LGI1: variants seen among roughly 807,000 people sequenced by gnomAD.
The protein encoded by LGI1 is leucine-rich glioma-inactivated protein 1.
A neutral mutation model predicts 57.7 loss-of-function variants in LGI1; 11 were observed. That is an observed-to-expected ratio of 0.19 (90% confidence interval 0.12 to 0.32). The LOEUF is 0.32. Among genes scored for constraint, LGI1 ranks in the 10% least tolerant of loss-of-function variants. The probability of loss-of-function intolerance (pLI) is 1.00; values close to 1 mark genes in which losing one functional copy is unlikely to be tolerated. For synonymous variants in LGI1, 222 were observed against 241.9 expected, an observed-to-expected ratio of 0.92 and a Z score of 0.76; for missense variants, 422 against 661.9, an observed-to-expected ratio of 0.64 and a Z score of 3.98.
chr10:93,770,865 A>G (rs1165980846), intron 2 of LGI1: 4 of 152,226 alleles, frequency 2.6e-5, no homozygotes, highest in Non-Finnish European at 5.9e-5. Context: ...CGCAATTTTA[A>G]AAGATGAGTA....
chr10:93,760,659 G>A (rs533793533), intron 2 of LGI1, among the ~76,000 whole-genome samples: 2 of 152,318 alleles, frequency 1.3e-5, no homozygotes, highest in African/African-American at 4.8e-5. Context: ...GGCAAGCACA[G>A]ATGCTGGACA....
chr10:93,785,500 C>T (rs541647243), intron 4 of LGI1, among the ~76,000 whole-genome samples: 11 of 152,252 alleles, frequency 7.2e-5, no homozygotes, highest in African/African-American at 2.6e-4. Context: ...AGAGTGATGA[C>T]GTTCAAATTT....
rs117108414 is a variant in LGI1, at chr10:93,792,694, C to T, written c.504-49C>T. On this transcript the variant is annotated intron_variant, in intron 5 of 7. Transcript: ENST00000371418. ...ATTGTTGATGTAGAACTCTTTCCTG[C>T]GTGGGTAGGGCCCTTGTACAGCAAA... The T allele has an allele frequency of 2.3e-4, 355 of 1,576,918 alleles. 1 individual carries two copies. In the East Asian group the frequency reaches 6.2e-3, roughly 28 times the overall value.
rs112416892 is a variant in LGI1, at chr10:93,781,882, A to G, written c.431+4265A>G. Among the ~76,000 whole-genome samples, 950 of 152,320 alleles carry G rather than the reference A, an allele frequency of 6.2e-3. 10 individuals carry two copies. Among genetic ancestry groups the G allele is most frequent in the African/African-American group, 0.022 (914 of 41,564 alleles). On this transcript the variant is annotated intron_variant, in intron 4 of 7. Coordinates refer to ENST00000371418, the MANE Select transcript of LGI1 (RefSeq NM_005097.4). ...TATATATAAATATTTGGAGAAAATTATCATCAATCTATATGTATTGTAGAG... is the reference window on the plus strand; with the variant it reads ...TATATATAAATATTTGGAGAAAATTGTCATCAATCTATATGTATTGTAGAG...
intron 2 of LGI1, among the ~76,000 whole-genome samples, chr10:93,760,406 T>C (rs1271467899): frequency 6.6e-6 from 1 of 152,220 alleles, no homozygotes; most frequent in Non-Finnish European, 1.5e-5. Context: ...TAAATTGTGT[T>C]TCTGGTCCTC....
chr10:93,788,176 G>A (rs2134015528), intron 4 of LGI1: 1 of 152,336 alleles, frequency 6.6e-6, no homozygotes, highest in East Asian at 1.9e-4. Context: ...CATAACATGG[G>A]AGTGACTCTG....
At chr10:93,786,251 G>A (rs370827276) in intron 4 of LGI1, among the ~76,000 whole-genome samples, 1 of 47,196 alleles carries the variant, frequency 2.1e-5, no homozygotes, top group African/African-American at 3.0e-5. Flanking sequence ...CCCCGAGTTC[G>A]GTAATTCCTA....
chr10:93,782,243 C>G lies in LGI1; in HGVS notation c.431+4626C>G, dbSNP rs1190612373. 2.0e-5 allele frequency among the ~76,000 whole-genome samples: 3 copies of G among 152,214 alleles called. No homozygotes were observed. In the South Asian group the frequency reaches 6.2e-4, roughly 32 times the overall value. On this transcript the variant is annotated intron_variant, in intron 4 of 7. Transcript: ENST00000371418. Reference sequence around the variant, plus strand: ...CACTTTTCTCCACCTCAGATCAGTTCCTCGGCTTTGCACCTTAACAGCTGT... The same window carrying G: ...CACTTTTCTCCACCTCAGATCAGTTGCTCGGCTTTGCACCTTAACAGCTGT...
intron 4 of LGI1, among the ~76,000 whole-genome samples, chr10:93,783,554 C>G (rs1015554303): frequency 1.3e-5 from 2 of 152,112 alleles, no homozygotes; most frequent in Non-Finnish European, 2.9e-5. Context: ...GGGGTCCACA[C>G]CAGCTGGTGG....
At chr10:93,779,790 A>G (rs12252671) in intron 4 of LGI1, among the ~76,000 whole-genome samples, 8,075 of 152,262 alleles carry the variant, frequency 0.053, 744 homozygotes, top group African/African-American at 0.18. Context: ...AAAGAGAGGC[A>G]TGACTCTTAA....
intron 2 of LGI1, 156 bp from the exon 3 acceptor site, chr10:93,777,223 T>G (rs2059803082): frequency 1.4e-6 from 1 of 713,532 alleles, no homozygotes; most frequent in Non-Finnish European, 2.5e-6. Context: ...AGTAAAAAAA[T>G]GCTGCATAGA....
At chr10:93,792,469 G>C in intron 5 of LGI1, 1 of 466,928 alleles carries the variant, frequency 2.1e-6, no homozygotes, top group Non-Finnish European at 3.9e-6. Context: ...TTCATATACT[G>C]TTTCTATTGA....
chr10:93,798,049 G>C lies in LGI1; in HGVS notation c.*246G>C, dbSNP rs968128475. The stretch of plus-strand genomic sequence containing the variant: ...TTGCAGTGAAGATGTGTAAATAAGC[G>C]TTTAATGGTATCTGTTACTCCAAAA... On this transcript the variant is annotated 3_prime_UTR_variant, in exon 8 of 8. Transcript: ENST00000371418. 1.8e-6 allele frequency: 1 copy of C among 543,358 alleles called. No individual in the cohort carries two copies. The highest frequency in any genetic ancestry group is 3.2e-5 in the East Asian group (1 of 31,732). The allele number at this position is 543,358 out of a possible 1,614,324, so 33.7% of individuals were successfully genotyped here. A position where few individuals can be genotyped will look rare whatever the true frequency, so the allele number is the denominator to read the frequency against.
chr10:93,773,463 C>T (rs1244766498), intron 2 of LGI1, among the ~76,000 whole-genome samples: 1 of 152,166 alleles, frequency 6.6e-6, no homozygotes, highest in Admixed American at 6.5e-5. Context: ...TGCTTTACTA[C>T]TTTCACAGAA....
chr10:93,757,961 C>T lies in LGI1; in HGVS notation c.-184C>T, dbSNP rs2059581367. On this transcript the variant is annotated 5_prime_UTR_variant, in exon 1 of 8. Coordinates refer to ENST00000371418, the MANE Select transcript of LGI1 (RefSeq NM_005097.4). Reference sequence around the variant, plus strand: ...ACAGTACCTCACAGGTCTCTTCCCCCGAGCAGTGCATTGCTGGAGCGAGGA... The same window carrying T: ...ACAGTACCTCACAGGTCTCTTCCCCTGAGCAGTGCATTGCTGGAGCGAGGA... 1.2e-5 allele frequency: 8 copies of T among 651,780 alleles called. No homozygotes were observed. Among genetic ancestry groups the T allele is most frequent in the East Asian group, 2.7e-5 (1 of 36,452 alleles). 40.4% of individuals were successfully genotyped at this position (651,780 alleles called of 1,614,324 possible).
chr10:93,790,079 CTTTTT>C lies in LGI1; in HGVS notation c.432-9_432-5del. The stretch of plus-strand genomic sequence containing the variant: ...AATTTATCACTACAGTTTACATCAC[CTTTTT>C]TTTTTTTTTTCCAGGAGCCTTGCAA... On this transcript the variant is annotated splice_polypyrimidine_tract_variant and intron_variant, in intron 4 of 7. Coordinates refer to ENST00000371418, the MANE Select transcript of LGI1 (RefSeq NM_005097.4). The C allele has an allele frequency of 2.1e-6, 3 of 1,406,942 alleles. No homozygotes were observed. The highest frequency in any genetic ancestry group is 1.9e-6 in the Non-Finnish European group (2 of 1,040,950). 87.2% of individuals were successfully genotyped at this position (1,406,942 alleles called of 1,614,324 possible).
Position 93,796,193 on chromosome 10 carries a change from C to T in LGI1, c.839-775C>T, listed in dbSNP as rs373105446. Among the ~76,000 whole-genome samples the T allele has an allele frequency of 3.3e-5, 5 of 152,230 alleles. No individual in the cohort carries two copies. The East Asian group carries it at 5.8e-4, about 18-fold the overall frequency. On this transcript the variant is annotated intron_variant, in intron 7 of 7. Transcript: ENST00000371418. ...TTCGATTTTTTTAAAGATTCCTTTTCCTTCTCTTCACTCCTGCCACCAGTG... is the reference window on the plus strand; with the variant it reads ...TTCGATTTTTTTAAAGATTCCTTTTTCTTCTCTTCACTCCTGCCACCAGTG...
chr10:93,791,697 T>C (rs752948591), intron 5 of LGI1: 17 of 152,260 alleles, frequency 1.1e-4, no homozygotes, highest in Non-Finnish European at 1.6e-4. Flanking sequence ...GGAAAGGAGG[T>C]GGAATTCCTG....
chr10:93,783,939 G>T (rs913581484), intron 4 of LGI1, among the ~76,000 whole-genome samples: 3 of 152,284 alleles, frequency 2.0e-5, no homozygotes, highest in South Asian at 2.1e-4. Flanking sequence ...TCGAACCAGG[G>T]AGGCGGAAGT....
Sources: gnomAD v4.1 joint callset for allele counts (sites outside exome capture counted in the v4.1 genomes callset) on GRCh38, gnomAD v4.1.1 for gene constraint, MANE v1.5 for transcripts, NCBI Gene and HGNC (gene_info 2026-07-23, HGNC 2026-07-21) for gene names.